DISC1: variants seen among roughly 807,000 people sequenced by gnomAD.
DISC1 encodes the protein disrupted in schizophrenia 1 protein.
In DISC1, 57 loss-of-function variants were observed where a neutral mutation model predicts 84.5. That is an observed-to-expected ratio of 0.67 (90% confidence interval 0.55 to 0.84). The LOEUF is 0.84. DISC1 is among the 40% of genes least tolerant of loss of function. The pLI, the probability that DISC1 is intolerant of heterozygous loss-of-function variation, is 0.00. For missense variants in DISC1, 1,000 were observed against 1,057.8 expected (o/e 0.95, Z 0.76); for synonymous variants, 411 against 415.2 (o/e 0.99, Z 0.12).
chr1:231,935,792 CA>C (rs1237274654), intron 9 of DISC1, among the ~76,000 whole-genome samples: 1 of 152,170 alleles, frequency 6.6e-6, no homozygotes, highest in East Asian at 1.9e-4. Flanking sequence ...GCACAATGGA[CA>C]ACACTTAATA....
chr1:231,846,525 G>A (rs11588799), intron 9 of DISC1, among the ~76,000 whole-genome samples: 55,581 of 152,082 alleles, frequency 0.37, 10,455 homozygotes, highest in East Asian at 0.4. Flanking sequence ...GAAAATCGTC[G>A]CATTCTCTTG....
chr1:231,645,757 G>T (rs1572452307), intron 1 of DISC1, among the ~76,000 whole-genome samples: 1 of 152,180 alleles, frequency 6.6e-6, no homozygotes, highest in South Asian at 2.1e-4. Context: ...GTGAGAACAT[G>T]CACTGTTCGG....
At chr1:231,996,409 C>T (rs1265973503) in intron 10 of DISC1, among the ~76,000 whole-genome samples, 1 of 152,134 alleles carries the variant, frequency 6.6e-6, no homozygotes, top group South Asian at 2.1e-4. Flanking sequence ...GACATGAAGT[C>T]CTTGCCCATG....
chr1:231,933,439 A>G (rs1244641991), intron 9 of DISC1, among the ~76,000 whole-genome samples: 3 of 152,168 alleles, frequency 2.0e-5, no homozygotes, highest in African/African-American at 7.2e-5. Flanking sequence ...GCCACTTATC[A>G]CCACCTCTAA....
chr1:231,866,574 C>A (rs768184966), intron 9 of DISC1: 1 of 1,224,750 alleles, frequency 8.2e-7, no homozygotes, highest in East Asian at 2.3e-5. Context: ...CAGCAACTTG[C>A]CTGAGGACAG....
intron 9 of DISC1, among the ~76,000 whole-genome samples, chr1:231,881,146 G>T (rs746268083): frequency 6.6e-6 from 1 of 152,206 alleles, no homozygotes; most frequent in Non-Finnish European, 1.5e-5. Context: ...GTGGGCAAGA[G>T]AAGAGAGATA....
chr1:231,705,537 C>G (rs997112377), intron 3 of DISC1, among the ~76,000 whole-genome samples: 3 of 151,760 alleles, frequency 2.0e-5, no homozygotes, highest in African/African-American at 7.3e-5. Flanking sequence ...CAAAGTTAGG[C>G]TTGAAAGGAG....
intron 1 of DISC1, among the ~76,000 whole-genome samples, chr1:231,649,816 C>T (rs1199510712): frequency 6.6e-6 from 1 of 152,104 alleles, no homozygotes; most frequent in Non-Finnish European, 1.5e-5. Context: ...ATGTAATGGC[C>T]TTCTTTGTCT....
At chr1:231,636,370 G>T (rs199789424) in intron 1 of DISC1, among the ~76,000 whole-genome samples, 3 of 152,158 alleles carry the variant, frequency 2.0e-5, no homozygotes, top group Non-Finnish European at 4.4e-5. Context: ...CATTGGCCCA[G>T]AACTCATGAT....
At chr1:231,723,540 G>C in intron 3 of DISC1, 1 of 985,402 alleles carries the variant, frequency 1.0e-6, no homozygotes, top group Non-Finnish European at 1.2e-6. Context: ...ATTTCATATA[G>C]CATGTCTGTT....
intron 11 of DISC1, among the ~76,000 whole-genome samples, chr1:232,022,363 A>C (rs1669038599): frequency 6.7e-6 from 1 of 148,984 alleles, no homozygotes; most frequent in Non-Finnish European, 1.5e-5. Flanking sequence ...GCCGGAGTGC[A>C]GTGGTGCGAT....
At chr1:231,837,723 G>C (rs1385831179) in intron 9 of DISC1, among the ~76,000 whole-genome samples, 2 of 152,216 alleles carry the variant, frequency 1.3e-5, no homozygotes, top group African/African-American at 4.8e-5. Context: ...AGGTGAGGAG[G>C]TGGCACAAGT....
At chr1:231,825,968 G>A (rs1001577932) in intron 9 of DISC1, among the ~76,000 whole-genome samples, 3 of 152,224 alleles carry the variant, frequency 2.0e-5, no homozygotes, top group Non-Finnish European at 2.9e-5. Context: ...ATGAGCTACA[G>A]CTATTGTGGA....
intron 9 of DISC1, among the ~76,000 whole-genome samples, chr1:231,958,520 GAT>G (rs1553408050): frequency 6.6e-6 from 1 of 152,226 alleles, no homozygotes; most frequent in Non-Finnish European, 1.5e-5. Flanking sequence ...AAAGGTAAGA[GAT>G]AGAGCACATG....
chr1:231,863,148 T>C (rs1487568433), intron 9 of DISC1, among the ~76,000 whole-genome samples: 1 of 151,346 alleles, frequency 6.6e-6, no homozygotes, highest in Non-Finnish European at 1.5e-5. Context: ...TCACAGGGTC[T>C]GCAGGCTCAT....
At chr1:231,661,026 T>C (rs1402353209) in intron 1 of DISC1, among the ~76,000 whole-genome samples, 3 of 152,194 alleles carry the variant, frequency 2.0e-5, no homozygotes, top group Non-Finnish European at 2.9e-5. Context: ...AGATATGAAA[T>C]CTTGGGTTGG....
intron 1 of DISC1, among the ~76,000 whole-genome samples, chr1:231,691,898 G>T (rs1278101492): frequency 6.6e-6 from 1 of 152,192 alleles, no homozygotes; most frequent in Non-Finnish European, 1.5e-5. Flanking sequence ...TCGGATGACG[G>T]ATTCCTTCTG....
chr1:231,664,039 TATCCATCCATCCATCCATCC>T (rs57234946), intron 1 of DISC1, among the ~76,000 whole-genome samples: 1 of 146,312 alleles, frequency 6.8e-6, no homozygotes. Context: ...TCCATCTATC[TATCCATCCATCCATCCATCC>T]ATCCATCCAT....
intron 7 of DISC1, among the ~76,000 whole-genome samples, chr1:231,798,856 T>G (rs1392457476): frequency 6.6e-6 from 1 of 151,942 alleles, no homozygotes; most frequent in Non-Finnish European, 1.5e-5. Flanking sequence ...AAGAGTGGAG[T>G]ATTTTAGGCA....
Sources: gnomAD v4.1 joint callset for allele counts (sites outside exome capture counted in the v4.1 genomes callset) on GRCh38, gnomAD v4.1.1 for gene constraint, MANE v1.5 for transcripts, NCBI Gene and HGNC (gene_info 2026-07-23, HGNC 2026-07-21) for gene names.